The following ST6GALNAC5 variants were observed in gnomAD, a reference collection of about 807,000 sequenced individuals.
ST6GALNAC5 encodes the protein ST6 N-acetylgalactosaminide alpha-2,6-sialyltransferase 5.
A neutral mutation model predicts 33.6 loss-of-function variants in ST6GALNAC5; 27 were observed. That is an observed-to-expected ratio of 0.80 (90% CI 0.59 to 1.11). ST6GALNAC5 has a LOEUF of 1.11. Ranked by LOEUF, ST6GALNAC5 falls within the 50% of genes least tolerant of loss-of-function variation. ST6GALNAC5 has a pLI of 0.00. For synonymous variants in ST6GALNAC5, 194 were observed against 171.2 expected (o/e 1.13, Z -1.04); for missense variants, 428 against 454.0 (o/e 0.94, Z 0.52).
chr1:76,951,446 G>A (rs375488516), intron 2 of ST6GALNAC5, among the ~76,000 whole-genome samples: 5 of 152,106 alleles, frequency 3.3e-5, no homozygotes, highest in East Asian at 3.9e-4. Context: ...GACACAGGGA[G>A]GGAAACATCA....
intron 2 of ST6GALNAC5, among the ~76,000 whole-genome samples, chr1:76,999,235 T>G (rs773396793): frequency 6.6e-6 from 1 of 152,180 alleles, no homozygotes; most frequent in Admixed American, 6.5e-5. Flanking sequence ...TTTTCTGTAA[T>G]TAAAAAAGGG....
At chr1:76,937,906 A>G (rs1402541862) in intron 2 of ST6GALNAC5, among the ~76,000 whole-genome samples, 1 of 152,046 alleles carries the variant, frequency 6.6e-6, no homozygotes, top group Non-Finnish European at 1.5e-5. Flanking sequence ...CTATTGTCTT[A>G]CATCCCCTCA....
intron 2 of ST6GALNAC5, among the ~76,000 whole-genome samples, chr1:76,921,030 T>C (rs2100296718): frequency 6.6e-6 from 1 of 152,154 alleles, no homozygotes; most frequent in South Asian, 2.1e-4. Flanking sequence ...AGAGATTTGG[T>C]GAAGGAAAGC....
chr1:76,881,342 T>C (rs1653775270), intron 2 of ST6GALNAC5, among the ~76,000 whole-genome samples: 1 of 152,206 alleles, frequency 6.6e-6, no homozygotes, highest in South Asian at 2.1e-4. Flanking sequence ...TTCTATTCAA[T>C]ATGTCTTTCT....
intron 2 of ST6GALNAC5, among the ~76,000 whole-genome samples, chr1:76,985,688 C>T (rs910633227): frequency 9.2e-5 from 14 of 152,068 alleles, no homozygotes; most frequent in South Asian, 4.1e-4. Flanking sequence ...AAAAAGAGCC[C>T]GCATTGCCAA....
At chr1:76,897,674 G>A (rs1048777301) in intron 2 of ST6GALNAC5, among the ~76,000 whole-genome samples, 15 of 152,248 alleles carry the variant, frequency 9.9e-5, no homozygotes, top group Admixed American at 1.3e-4. Flanking sequence ...GAAGAAGGGC[G>A]GCAGTAAGAT....
chr1:76,878,170 G>A (rs1008402484), intron 2 of ST6GALNAC5, among the ~76,000 whole-genome samples: 6 of 152,178 alleles, frequency 3.9e-5, no homozygotes, highest in Admixed American at 6.5e-5. Flanking sequence ...ACAGGGATGC[G>A]ATATTGTTTT....
At chr1:77,045,764 G>A (rs530523661) in intron 3 of ST6GALNAC5, among the ~76,000 whole-genome samples, 74 of 152,284 alleles carry the variant, frequency 4.9e-4, no homozygotes, top group African/African-American at 1.8e-3. Flanking sequence ...CTGCAGTCAG[G>A]AGAACTAGGG....
chr1:77,048,472 TA>T (rs1652089192), intron 3 of ST6GALNAC5, among the ~76,000 whole-genome samples: 1 of 152,216 alleles, frequency 6.6e-6, no homozygotes. Flanking sequence ...TTCCTCTTCT[TA>T]CCCTTTGCCA....
At chr1:76,893,119 A>T (rs1654048789) in intron 2 of ST6GALNAC5, among the ~76,000 whole-genome samples, 1 of 152,166 alleles carries the variant, frequency 6.6e-6, no homozygotes, top group African/African-American at 2.4e-5. Context: ...ACAATGAAAA[A>T]ATGTAGATCC....
intron 2 of ST6GALNAC5, among the ~76,000 whole-genome samples, chr1:76,996,110 A>T (rs564309339): frequency 6.6e-6 from 1 of 152,340 alleles, no homozygotes; most frequent in South Asian, 2.1e-4. Context: ...CTGTAGAAGA[A>T]GAAACTGAGA....
intron 2 of ST6GALNAC5, among the ~76,000 whole-genome samples, chr1:77,022,702 G>C (rs1257235580): frequency 2.0e-5 from 3 of 152,176 alleles, no homozygotes; most frequent in Non-Finnish European, 4.4e-5. Flanking sequence ...TTGTGAAAAA[G>C]TAAATATTTA....
At chr1:77,048,212 G>C (rs1192602458) in intron 3 of ST6GALNAC5, among the ~76,000 whole-genome samples, 1 of 152,166 alleles carries the variant, frequency 6.6e-6, no homozygotes, top group Non-Finnish European at 1.5e-5. Flanking sequence ...ACATAAAACA[G>C]AACCAGAGTT....
At chr1:76,903,943 G>A (rs932519616) in intron 2 of ST6GALNAC5, among the ~76,000 whole-genome samples, 2 of 152,138 alleles carry the variant, frequency 1.3e-5, no homozygotes, top group Non-Finnish European at 2.9e-5. Flanking sequence ...GATAGCTAAA[G>A]GGCAGAAATG....
chr1:77,003,940 C>T (rs926447829), intron 2 of ST6GALNAC5, among the ~76,000 whole-genome samples: 1 of 124,638 alleles, frequency 8.0e-6, no homozygotes, highest in Non-Finnish European at 1.7e-5. Context: ...TCCTTCATTT[C>T]AACTTTGGTG....
At chr1:76,872,109 A>G (rs1165232869) in intron 2 of ST6GALNAC5, among the ~76,000 whole-genome samples, 3 of 137,396 alleles carry the variant, frequency 2.2e-5, no homozygotes, top group Non-Finnish European at 4.6e-5. Context: ...ACACACACAC[A>G]CACACACACC....
chr1:76,890,451 T>C (rs1188054554), intron 2 of ST6GALNAC5, among the ~76,000 whole-genome samples: 2 of 152,114 alleles, frequency 1.3e-5, no homozygotes, highest in Non-Finnish European at 2.9e-5. Flanking sequence ...CACATGGTTG[T>C]TGAAATGCAA....
At position 76,875,199 on chromosome 1, in the gene ST6GALNAC5, C is replaced by G. The variant is rs149828509; in HGVS notation, c.261+6457C>G. On this transcript the variant is annotated intron_variant, in intron 2 of 4. Transcript: ENST00000477717. ...ATGATTACTACCTTCTTCTACTACT[C>G]ATTGTCTTCCCTTTGCCTTCAGCAA... 3.3e-3 allele frequency among the ~76,000 whole-genome samples: 502 copies of G among 152,316 alleles called. 4 individuals are homozygous for G. Among genetic ancestry groups the G allele is most frequent in the African/African-American group, 0.012 (489 of 41,570 alleles).
At chr1:77,046,718 T>G (rs1203070846) in intron 3 of ST6GALNAC5, among the ~76,000 whole-genome samples, 1 of 152,248 alleles carries the variant, frequency 6.6e-6, no homozygotes. Flanking sequence ...TTATTTAGTT[T>G]CATTTTTTAC....
Sources: gnomAD v4.1 joint callset for allele counts (sites outside exome capture counted in the v4.1 genomes callset) on GRCh38, gnomAD v4.1.1 for gene constraint, MANE v1.5 for transcripts, NCBI Gene and HGNC (gene_info 2026-07-23, HGNC 2026-07-21) for gene names.